The following KALRN variants were observed in gnomAD, a reference collection of about 807,000 sequenced individuals.
The protein encoded by KALRN is kalirin.
A neutral mutation model predicts 353.7 loss-of-function variants in KALRN; 70 were observed. That is an observed-to-expected ratio of 0.20 (90% confidence interval 0.16 to 0.24). The LOEUF (loss-of-function observed/expected upper bound fraction) is 0.24, where lower values mean the gene tolerates loss of function less well. KALRN is among the 10% of genes least tolerant of loss of function. The pLI is 1.00. For synonymous variants in KALRN, 1,391 were observed against 1,434.8 expected (o/e 0.97, Z 0.69); for missense variants, 2,791 against 3,756.7 (o/e 0.74, Z 6.72).
rs138803149 is a variant in KALRN at position 124,195,007 on chromosome 3, A to T, written c.74-32983A>T. Among the ~76,000 whole-genome samples the T allele has an allele frequency of 1.3e-4, 20 of 152,302 alleles. No individual in the cohort carries two copies. In the East Asian group the frequency reaches 3.9e-3, roughly 29 times the overall value. On this transcript the variant is annotated intron_variant, in intron 1 of 59. Transcript: ENST00000682506. ...GAGAATGACAAGTATGAGAACATTT[A>T]TATGTAATTGTTGCAAATATTATAG...
chr3:124,635,247 A>G (rs901942041), intron 36 of KALRN, among the ~76,000 whole-genome samples: 4 of 152,306 alleles, frequency 2.6e-5, no homozygotes, highest in Admixed American at 6.5e-5. Context: ...AGACCTGCCT[A>G]CTTGTAATGT....
intron 10 of KALRN, among the ~76,000 whole-genome samples, chr3:124,384,009 ACT>A: frequency 6.6e-6 from 1 of 152,154 alleles, no homozygotes; most frequent in South Asian, 2.1e-4. Flanking sequence ...ATATCAGGAG[ACT>A]TTCAAAATGA....
At chr3:124,343,097 C>T (rs1369122544) in intron 9 of KALRN, among the ~76,000 whole-genome samples, 1 of 152,214 alleles carries the variant, frequency 6.6e-6, no homozygotes, top group African/African-American at 2.4e-5. Flanking sequence ...AGAATTTCTG[C>T]CTCCTGTTTT....
At chr3:124,544,588 C>CGA (rs2069415698) in intron 33 of KALRN, among the ~76,000 whole-genome samples, 1 of 151,890 alleles carries the variant, frequency 6.6e-6, no homozygotes, top group Non-Finnish European at 1.5e-5. Context: ...ATCGATACAT[C>CGA]TATATCGATA....
At chr3:124,447,925 C>T (rs1366829502) in intron 21 of KALRN, among the ~76,000 whole-genome samples, 2 of 152,168 alleles carry the variant, frequency 1.3e-5, no homozygotes, top group Non-Finnish European at 2.9e-5. Flanking sequence ...CCAGTAAAAG[C>T]AAACAGCACA....
At chr3:124,582,018 ATTTTTT>A (rs71625758) in intron 34 of KALRN, among the ~76,000 whole-genome samples, 38 of 136,110 alleles carry the variant, frequency 2.8e-4, no homozygotes, top group Admixed American at 4.4e-4. Context: ...AACATGAGCT[ATTTTTT>A]TTTTTTTTTT....
intron 1 of KALRN, among the ~76,000 whole-genome samples, chr3:124,086,052 T>C (rs944240254): frequency 5.3e-5 from 8 of 152,240 alleles, no homozygotes; most frequent in African/African-American, 1.9e-4. Context: ...GTTAATGGTT[T>C]CTAAGTATAA....
At chr3:124,070,808 A>C (rs564667277) in intron 1 of KALRN, among the ~76,000 whole-genome samples, 2 of 152,322 alleles carry the variant, frequency 1.3e-5, no homozygotes, top group South Asian at 4.1e-4. Flanking sequence ...TCTTGGTTTT[A>C]GGATGCCTCT....
At chr3:124,456,319 C>T (rs759068663) in intron 22 of KALRN, among the ~76,000 whole-genome samples, 10 of 152,046 alleles carry the variant, frequency 6.6e-5, no homozygotes, top group Non-Finnish European at 1.2e-4. Context: ...TTAATTAGGA[C>T]CAAAGGCCTT....
intron 1 of KALRN, among the ~76,000 whole-genome samples, chr3:124,123,568 T>C (rs769022319): frequency 1.7e-4 from 26 of 152,196 alleles, no homozygotes; most frequent in Non-Finnish European, 2.8e-4. Context: ...AAGCAGCAAG[T>C]GCTGATGTAA....
At chr3:124,410,217 G>A (rs192488247) in intron 13 of KALRN, 6 of 532,950 alleles carry the variant, frequency 1.1e-5, no homozygotes, top group South Asian at 7.0e-5. Flanking sequence ...AGGACCGTCG[G>A]CACCTTCCAC....
chr3:124,652,842 G>T (rs1210657582), intron 38 of KALRN, among the ~76,000 whole-genome samples: 2 of 152,222 alleles, frequency 1.3e-5, no homozygotes, highest in Admixed American at 6.5e-5. Flanking sequence ...CTCCCAAAGT[G>T]CTGGGATTAC....
chr3:124,207,506 C>T (rs2076517799), intron 1 of KALRN, among the ~76,000 whole-genome samples: 1 of 152,154 alleles, frequency 6.6e-6, no homozygotes, highest in Non-Finnish European at 1.5e-5. Context: ...TATGTCCTAA[C>T]CCTAAAGAGA....
chr3:124,464,882 T>C (rs74334323), intron 25 of KALRN, among the ~76,000 whole-genome samples: 16 of 138,576 alleles, frequency 1.2e-4, no homozygotes, highest in African/African-American at 4.4e-4. Flanking sequence ...AAAAACCTCA[T>C]AGTGGTCAAG....
At chr3:124,446,306 C>A in intron 20 of KALRN, 30 bp downstream of exon 20, 1 of 1,521,540 alleles carries the variant, frequency 6.6e-7, no homozygotes, top group South Asian at 1.2e-5. Flanking sequence ...GGCACTATCT[C>A]AGTTCTGGGG....
At chr3:124,129,611 T>A (rs139327887) in intron 1 of KALRN, among the ~76,000 whole-genome samples, 191 of 152,264 alleles carry the variant, frequency 1.3e-3, no homozygotes, top group African/African-American at 4.5e-3. Context: ...AAGTTCATGA[T>A]GGGTGGAGGT....
chr3:124,573,458 T>C (rs1420972567), intron 34 of KALRN, among the ~76,000 whole-genome samples: 2 of 140,168 alleles, frequency 1.4e-5, no homozygotes, highest in African/African-American at 6.6e-5. Context: ...ATCCCCAGGA[T>C]TGTTCAAGGG....
intron 34 of KALRN, among the ~76,000 whole-genome samples, chr3:124,564,154 G>A (rs910516305): frequency 3.7e-5 from 5 of 135,652 alleles, no homozygotes; most frequent in Non-Finnish European, 4.6e-5. Flanking sequence ...GCAGTGAGTC[G>A]AGATCGCGCC....
chr3:124,379,300 C>G (rs1167647309), intron 10 of KALRN, among the ~76,000 whole-genome samples: 1 of 151,946 alleles, frequency 6.6e-6, no homozygotes, highest in Non-Finnish European at 1.5e-5. Context: ...TTTTAAAATA[C>G]TTGTCTGCTA....
Sources: gnomAD v4.1 joint callset for allele counts (sites outside exome capture counted in the v4.1 genomes callset) on GRCh38, gnomAD v4.1.1 for gene constraint, MANE v1.5 for transcripts, NCBI Gene and HGNC (gene_info 2026-07-23, HGNC 2026-07-21) for gene names.